GRIN1: variants seen among roughly 807,000 people sequenced by gnomAD.
GRIN1 encodes the protein glutamate receptor ionotropic, NMDA 1.
In GRIN1, 38 loss-of-function variants were observed where a neutral mutation model predicts 103.0. That is an observed-to-expected ratio of 0.37 (90% CI 0.28 to 0.48). The LOEUF is 0.48. GRIN1 is among the 20% of genes least tolerant of loss of function. GRIN1 has a pLI of 0.98. For synonymous variants in GRIN1, 544 were observed against 532.7 expected, an observed-to-expected ratio of 1.02 and a Z score of -0.29; for missense variants, 577 against 1,288.9, an observed-to-expected ratio of 0.45 and a Z score of 8.46.
At chr9:137,152,418 C>T (rs1832962953) in intron 4 of GRIN1, among the ~76,000 whole-genome samples, 1 of 152,170 alleles carries the variant, frequency 6.6e-6, no homozygotes, top group Non-Finnish European at 1.5e-5. Context: ...CCACTGTTGG[C>T]CACTTTTGCA....
intron 18 of GRIN1, 178 bp from the exon 19 acceptor site, chr9:137,165,008 C>G (rs1174415032): frequency 1.6e-6 from 1 of 641,912 alleles, no homozygotes; most frequent in African/African-American, 1.8e-5. Flanking sequence ...AGACCCCGGG[C>G]AGGAGAAGAG....
At chr9:137,143,982 C>T (rs917702837) in intron 2 of GRIN1, among the ~76,000 whole-genome samples, 40 of 152,342 alleles carry the variant, frequency 2.6e-4, no homozygotes, top group South Asian at 8.3e-4. Flanking sequence ...GCAAGCACCA[C>T]GCTCTCGCCT....
chr9:137,152,620 C>T (rs1832971609), intron 4 of GRIN1, among the ~76,000 whole-genome samples: 1 of 152,180 alleles, frequency 6.6e-6, no homozygotes, highest in Non-Finnish European at 1.5e-5. Context: ...GAGCCGTGCA[C>T]TGCGGTCCCA....
chr9:137,166,729 G>A (rs1184777046), intron 19 of GRIN1, among the ~76,000 whole-genome samples: 1 of 152,270 alleles, frequency 6.6e-6, no homozygotes, highest in African/African-American at 2.4e-5. Context: ...AGGAGCAGGT[G>A]GAAGCACCAT....
At chr9:137,143,996 G>T in intron 2 of GRIN1, among the ~76,000 whole-genome samples, 1 of 152,238 alleles carries the variant, frequency 6.6e-6, no homozygotes, top group Non-Finnish European at 1.5e-5. Flanking sequence ...CTCGCCTGGG[G>T]AGATGAGGCC....
chr9:137,164,398 G>A (rs991797516), intron 18 of GRIN1: 3 of 228,144 alleles, frequency 1.3e-5, no homozygotes, highest in African/African-American at 7.0e-5. Context: ...GTATCCATGA[G>A]AATTTGCCAC....
rs1398230773 is a variant in GRIN1 at position 137,158,850 on chromosome 9, G to T, written c.1197+146G>T. The T allele has an allele frequency of 1.6e-5, 11 of 675,650 alleles. No individual in the cohort carries two copies. The Admixed American group carries it at 2.4e-4, about 14-fold the overall frequency. 41.9% of individuals were successfully genotyped at this position (675,650 alleles called of 1,614,324 possible). On this transcript the variant is annotated intron_variant, in intron 8 of 19. Transcript: ENST00000371561. ...GCCTGCTTCCCCTGGACACCGTCCA[G>T]CACACCTGGCACAGCACAGGAAGCA...
At chr9:137,151,913 T>G (rs1179219025) in intron 4 of GRIN1, among the ~76,000 whole-genome samples, 2 of 143,872 alleles carry the variant, frequency 1.4e-5, no homozygotes, top group African/African-American at 5.2e-5. Context: ...TTTTTTTTTT[T>G]TTTTTTTCTT....
intron 19 of GRIN1, among the ~76,000 whole-genome samples, chr9:137,166,957 A>C (rs1275273831): frequency 6.6e-6 from 1 of 152,222 alleles, no homozygotes; most frequent in Admixed American, 6.5e-5. Context: ...GGCCACTTTC[A>C]GAGGGTGACA....
rs1200771297 is a variant in GRIN1 at position 137,139,729 on chromosome 9, C to A, written c.243C>A (p.Asp81Glu). ...AGATGGCTCTGTCGGTGTGCGAGGACCTCATCTCCAGCCAGGTGCCCTCCC... is the reference window on the plus strand; with the variant it reads ...AGATGGCTCTGTCGGTGTGCGAGGAACTCATCTCCAGCCAGGTGCCCTCCC... The part of the protein sequence containing the change: ...AIQMALSVCE[D>E]LISSQVYAIL... Residue 81 changes from aspartate to glutamate, a missense_variant, in exon 1 of 20, where the codon GAC (aspartate) becomes GAA (glutamate). This residue lies in a region of GRIN1 where 308 missense variants were observed against 553.6 expected (regional missense o/e 0.56). Coordinates refer to ENST00000371561, the MANE Select transcript of GRIN1 (RefSeq NM_007327.4). This position sits in a 1 kb window ranked among gnomAD's most constrained non-coding sequence, Gnocchi z 7.7. 6.2e-7 allele frequency: 1 copy of A among 1,613,752 alleles called. No individual in the cohort carries two copies.
In GRIN1 at chr9:137,162,913, G is replaced by A; in HGVS notation, c.2081G>A (p.Arg694Gln). The change falls in exon 15 of 20, where the codon CGG becomes CAG. Residue 694 changes from arginine (R) to glutamine (Q), a missense_variant. Arg to Gln is a conservative substitution (Grantham distance 43, BLOSUM62 1). Coordinates refer to ENST00000371561, the MANE Select transcript of GRIN1 (RefSeq NM_007327.4). ...CAGAGCTCCGTGGATATCTACTTCC[G>A]GCGCCAGGTGGAGCTGAGCACCATG... is the stretch of plus-strand genomic sequence containing the variant. ...VKQSSVDIYFRRQVELSTMYR... is the reference protein window; with the variant it reads ...VKQSSVDIYFQRQVELSTMYR... 2 of 1,610,778 alleles carry A rather than the reference G, an allele frequency of 1.2e-6. No individual in the cohort carries two copies. Among genetic ancestry groups the A allele is most frequent in the Non-Finnish European group, 1.7e-6 (2 of 1,179,122 alleles).
chr9:137,157,816 A>G (rs1833318426), intron 6 of GRIN1, among the ~76,000 whole-genome samples: 1 of 152,190 alleles, frequency 6.6e-6, no homozygotes, highest in Non-Finnish European at 1.5e-5. Context: ...CACGACACAC[A>G]TACACAGAAC....
chr9:137,143,324 C>T (rs2131201687), intron 2 of GRIN1, among the ~76,000 whole-genome samples: 1 of 152,380 alleles, frequency 6.6e-6, no homozygotes, highest in African/African-American at 2.4e-5. Flanking sequence ...CAGCCACCTT[C>T]CTGAGGCTCT....
rs1039715252 is a variant in GRIN1, at chr9:137,162,458, C to T, written c.1806C>T (p.Thr602=). The T allele has an allele frequency of 6.2e-7, 1 of 1,611,262 alleles. No individual in the cohort carries two copies. The highest frequency in any genetic ancestry group is 1.3e-5 in the African/African-American group (1 of 74,912). The change falls in exon 13 of 20, where the codon ACC becomes ACT. Residue 602 remains threonine, a synonymous_variant. Transcript: ENST00000371561. ...NSEEEEEDAL[T]LSSAMWFSWG... is the part of the protein sequence containing the mutation. ...AGGAGGAGGAGGAGGACGCACTGACCCTGTCCTCGGCCATGTGGTTCTCCT... is the reference window on the plus strand; with the variant it reads ...AGGAGGAGGAGGAGGACGCACTGACTCTGTCCTCGGCCATGTGGTTCTCCT...
chr9:137,163,351 G>A (rs2131301694), intron 16 of GRIN1, 21 bp downstream of exon 16: 1 of 1,612,582 alleles, frequency 6.2e-7, no homozygotes, highest in African/African-American at 1.3e-5. Flanking sequence ...GTGCGCCCGC[G>A]TCCCTCCTCC....
In GRIN1 at chr9:137,162,031, G is replaced by A. The variant is rs144712210; in HGVS notation, c.1575G>A (p.Gln525=). 8 of 1,552,092 alleles carry A rather than the reference G, an allele frequency of 5.2e-6. No individual in the cohort carries two copies. The highest frequency in any genetic ancestry group is 1.7e-4 in the Middle Eastern group (1 of 5,978). ...APLTINNERA[Q]YIEFSKPFKY... ...TAACCATAAACAACGAGCGCGCGCA[G>A]TACATCGAGTTTTCCAAGCCCTTCA... The change falls in exon 11 of 20, where the codon CAG becomes CAA. Residue 525 remains glutamine, a synonymous_variant. Transcript: ENST00000371561.
At chr9:137,156,154 A>G (rs1414859845) in intron 4 of GRIN1, among the ~76,000 whole-genome samples, 1 of 152,162 alleles carries the variant, frequency 6.6e-6, no homozygotes, top group Admixed American at 6.5e-5. Flanking sequence ...TGAAAGTTAA[A>G]CAACATAATC....
At position 137,156,653 on chromosome 9, in the gene GRIN1, C is replaced by G; in HGVS notation, c.672-16C>G. 6.3e-7 allele frequency: 1 copy of G among 1,598,988 alleles called. No individual in the cohort carries two copies. The highest frequency in any genetic ancestry group is 1.1e-5 in the South Asian group (1 of 88,736). ...AGTGCTGGAGTCCTGGCCCGTCATC[C>G]CCGTCTGCCCCACAGCGAGGACGAT... On this transcript the variant is annotated splice_polypyrimidine_tract_variant and intron_variant, in intron 4 of 19. Coordinates refer to ENST00000371561, the MANE Select transcript of GRIN1 (RefSeq NM_007327.4).
At chr9:137,159,836 C>G (rs1012871577) in intron 8 of GRIN1, among the ~76,000 whole-genome samples, 6 of 152,228 alleles carry the variant, frequency 3.9e-5, no homozygotes, top group Non-Finnish European at 7.3e-5. Flanking sequence ...CTGCCCCCCT[C>G]TCAGGCTCAC....
Sources: allele counts gnomAD v4.1 joint callset (sites outside exome capture counted in the v4.1 genomes callset), GRCh38; gene constraint gnomAD v4.1.1; regional missense constraint gnomAD v4.1.1; non-coding constraint Gnocchi (gnomAD v3.1); transcripts MANE v1.5; gene names NCBI Gene and HGNC (gene_info 2026-07-23, HGNC 2026-07-21).